CNNM2: variants seen among roughly 807,000 people sequenced by gnomAD.
CNNM2 encodes metal transporter CNNM2.
Under a neutral mutation model 66.9 loss-of-function variants are expected in CNNM2, and 12 were observed. That is an observed-to-expected ratio of 0.18 (90% CI 0.11 to 0.29). CNNM2 has a LOEUF of 0.29. Among genes scored for constraint, CNNM2 ranks in the 10% least tolerant of loss-of-function variants. The pLI, the probability that CNNM2 is intolerant of heterozygous loss-of-function variation, is 1.00. For missense variants in CNNM2, 705 were observed against 1,167.7 expected (o/e 0.60, Z 5.77); for synonymous variants, 557 against 501.8 (o/e 1.11, Z -1.47).
chr10:102,984,726 C>A (rs2063770177), intron 1 of CNNM2, among the ~76,000 whole-genome samples: 6 of 151,510 alleles, frequency 4.0e-5, no homozygotes, highest in Admixed American at 3.9e-4. Context: ...GTGGTGTGAT[C>A]TCGGCTCACT....
Position 103,011,997 on chromosome 10 carries a change from A to T in CNNM2, c.1622-37710A>T, listed in dbSNP as rs2064352531. On this transcript the variant is annotated intron_variant, in intron 1 of 7. Coordinates refer to ENST00000369878, the MANE Select transcript of CNNM2 (RefSeq NM_017649.5). ...TGAGCCACCATGCCCAGCCTAATGT[A>T]TACAATTTTTAAAGCACAGAGAAGT... 2.0e-5 allele frequency among the ~76,000 whole-genome samples: 3 copies of T among 152,152 alleles called. 1 individual carries two copies. In the South Asian group the frequency reaches 6.2e-4, roughly 32 times the overall value.
chr10:103,076,325 T>A, intron 7 of CNNM2, 55 bp downstream of exon 7: 1 of 1,520,914 alleles, frequency 6.6e-7, no homozygotes, highest in South Asian at 1.2e-5. Flanking sequence ...TCAACTTCCC[T>A]GGCAAATTGT....
intron 1 of CNNM2, among the ~76,000 whole-genome samples, chr10:102,936,114 G>C (rs1212383181): frequency 6.6e-6 from 1 of 151,882 alleles, no homozygotes; most frequent in African/African-American, 2.4e-5. Context: ...CTTTATGGGA[G>C]TGTGCAAAGC....
rs909385323 is a variant in CNNM2 at position 103,081,440 on chromosome 10, G to A, written c.*4260G>A. 1.3e-5 allele frequency: 2 copies of A among 152,212 alleles called. No homozygotes were observed. The highest frequency in any genetic ancestry group is 4.8e-5 in the African/African-American group (2 of 41,448). 9.4% of individuals were successfully genotyped at this position (152,212 alleles called of 1,614,324 possible). A position where few individuals can be genotyped will look rare whatever the true frequency, so the allele number is the denominator to read the frequency against. ...GAATTTAGTAGGGATATAGGGGTTTGAATAGGAAAGTGATCTGGGGATTCA... is the reference window on the plus strand; with the variant it reads ...GAATTTAGTAGGGATATAGGGGTTTAAATAGGAAAGTGATCTGGGGATTCA... On this transcript the variant is annotated 3_prime_UTR_variant, in exon 8 of 8. Coordinates refer to ENST00000369878, the MANE Select transcript of CNNM2 (RefSeq NM_017649.5).
At chr10:103,047,547 A>G (rs2134326095) in intron 1 of CNNM2, among the ~76,000 whole-genome samples, 1 of 152,358 alleles carries the variant, frequency 6.6e-6, no homozygotes, top group East Asian at 1.9e-4. Context: ...TTTGACAAAT[A>G]TATCATGGTA....
chr10:102,955,455 T>C (rs1590304772), intron 1 of CNNM2, among the ~76,000 whole-genome samples: 1 of 152,278 alleles, frequency 6.6e-6, no homozygotes, highest in East Asian at 1.9e-4. Flanking sequence ...ATTCAGGATA[T>C]AGGCATGGGC....
Position 103,087,160 on chromosome 10 carries a change from T to TTTTTTTTTTTTTTTTTA in CNNM2, c.*9992_*9993insTTTTATTTTTTTTTTTT. ...GCAGGATTTTTTTTTTTTTTTTTTTTTTTTTTTTTTTTAAGGAAAAAAGTA... is the reference window on the plus strand; with the variant it reads ...GCAGGATTTTTTTTTTTTTTTTTTTTTTTTTTTTTTTTTTTTATTTTTTTTTTTTAAGGAAAAAAGTA... On this transcript the variant is annotated 3_prime_UTR_variant, in exon 8 of 8. Coordinates refer to ENST00000369878, the MANE Select transcript of CNNM2 (RefSeq NM_017649.5). 7.0e-6 allele frequency: 1 copy of TTTTTTTTTTTTTTTTTA among 143,160 alleles called. No individual in the cohort carries two copies. The highest frequency in any genetic ancestry group is 1.5e-5 in the Non-Finnish European group (1 of 66,160). The allele number at this position is 143,160 out of a possible 1,614,324, so 8.9% of individuals were successfully genotyped here.
At chr10:103,032,354 G>A (rs951702121) in intron 1 of CNNM2, among the ~76,000 whole-genome samples, 1 of 152,124 alleles carries the variant, frequency 6.6e-6, no homozygotes, top group African/African-American at 2.4e-5. Context: ...AGGAGGCTGA[G>A]GCAGGAGAAT....
At chr10:102,968,512 T>G (rs1001039817) in intron 1 of CNNM2, among the ~76,000 whole-genome samples, 2 of 152,188 alleles carry the variant, frequency 1.3e-5, no homozygotes, top group African/African-American at 4.8e-5. Flanking sequence ...CCCAAAGTGC[T>G]GGGATTACAG....
intron 1 of CNNM2, among the ~76,000 whole-genome samples, chr10:102,939,469 T>C (rs1426922169): frequency 6.6e-6 from 1 of 152,212 alleles, no homozygotes. Flanking sequence ...GCCCCTTTAC[T>C]GTTTTTAGCT....
At chr10:103,062,502 T>C (rs1019055729) in intron 4 of CNNM2, among the ~76,000 whole-genome samples, 6 of 152,252 alleles carry the variant, frequency 3.9e-5, no homozygotes, top group Non-Finnish European at 8.8e-5. Context: ...AAAATTATAC[T>C]ACTTAAGTAT....
intron 1 of CNNM2, among the ~76,000 whole-genome samples, chr10:102,928,507 A>G (rs1246161022): frequency 6.6e-6 from 1 of 151,460 alleles, no homozygotes. Context: ...TCTTGAACCC[A>G]TGAGGTGGAG....
Position 103,089,767 on chromosome 10 carries a change from T to G in CNNM2, c.*12587T>G. The G allele has an allele frequency of 6.2e-7, 1 of 1,614,054 alleles. No homozygotes were observed. Among genetic ancestry groups the G allele is most frequent in the Non-Finnish European group, 8.5e-7 (1 of 1,179,990 alleles). ...AGTGGGAAGAGGTTGGGAGGTTTAA[T>G]CTCACTAATTGACCGTGTCAGCTGG... On this transcript the variant is annotated 3_prime_UTR_variant, in exon 8 of 8. Coordinates refer to ENST00000369878, the MANE Select transcript of CNNM2 (RefSeq NM_017649.5).
At chr10:102,963,943 T>C (rs2063422063) in intron 1 of CNNM2, among the ~76,000 whole-genome samples, 1 of 152,230 alleles carries the variant, frequency 6.6e-6, no homozygotes, top group Non-Finnish European at 1.5e-5. Flanking sequence ...ATTAAACAGA[T>C]GTGCATTGTT....
chr10:103,031,843 G>T (rs1314300585), intron 1 of CNNM2, among the ~76,000 whole-genome samples: 1 of 151,988 alleles, frequency 6.6e-6, no homozygotes, highest in Non-Finnish European at 1.5e-5. Flanking sequence ...AAATGCGGGG[G>T]GGGCGTGAGG....
rs566274426 is a variant in CNNM2, at chr10:102,949,957, A to G, written c.1621+29856A>G. 9.8e-4 allele frequency among the ~76,000 whole-genome samples: 149 copies of G among 152,274 alleles called. 1 individual carries two copies. The highest frequency in any genetic ancestry group is 3.4e-3 in the African/African-American group (141 of 41,540). On this transcript the variant is annotated intron_variant, in intron 1 of 7. Coordinates refer to ENST00000369878, the MANE Select transcript of CNNM2 (RefSeq NM_017649.5). The stretch of plus-strand genomic sequence containing the variant: ...ATAATACTGGTTTATTGAGTCCATG[A>G]TATGTTCCTAGCACTCTATTAGTTA...
At chr10:103,033,211 T>C (rs1373576907) in intron 1 of CNNM2, among the ~76,000 whole-genome samples, 2 of 152,134 alleles carry the variant, frequency 1.3e-5, no homozygotes, top group Non-Finnish European at 2.9e-5. Context: ...GTTTTTGAGA[T>C]GGAGTCTTGC....
rs1245741441 is a variant in CNNM2 at position 103,090,180 on chromosome 10, A to AGAT, written c.*13001_*13003dup. ...TACTTTCTATTTTACAGCAAAAACA[A>AGAT]GATAGTCCTGAAACAGATCAGAATA... On this transcript the variant is annotated 3_prime_UTR_variant, in exon 8 of 8. Transcript: ENST00000369878. 4.9e-6 allele frequency: 2 copies of AGAT among 404,624 alleles called. No homozygotes were observed. Among genetic ancestry groups the AGAT allele is most frequent in the Non-Finnish European group, 8.8e-6 (2 of 228,008 alleles). The allele number at this position is 404,624 out of a possible 1,614,324, so 25.1% of individuals were successfully genotyped here.
intron 1 of CNNM2, among the ~76,000 whole-genome samples, chr10:102,945,422 A>T (rs1453821873): frequency 6.6e-6 from 1 of 152,194 alleles, no homozygotes; most frequent in Non-Finnish European, 1.5e-5. Flanking sequence ...ATACAGTATA[A>T]TCTCAAATAG....
Sources: gnomAD v4.1 joint callset for allele counts (sites outside exome capture counted in the v4.1 genomes callset) on GRCh38, gnomAD v4.1.1 for gene constraint, MANE v1.5 for transcripts, NCBI Gene and HGNC (gene_info 2026-07-23, HGNC 2026-07-21) for gene names.